Variants in FRAS1 observed in about 807,000 individuals in gnomAD.
FRAS1 encodes Fraser extracellular matrix complex subunit 1.
FRAS1 carries 290 observed loss-of-function variants against 435.2 expected under a neutral mutation model. That is an observed-to-expected ratio of 0.67 (90% CI 0.61 to 0.73). The LOEUF (loss-of-function observed/expected upper bound fraction) is 0.73. FRAS1 is among the 30% of genes least tolerant of loss of function. The probability of loss-of-function intolerance (pLI) is 0.00; values close to 1 mark genes in which losing one functional copy is unlikely to be tolerated. For synonymous variants in FRAS1, 1,800 were observed against 1,851.0 expected (o/e 0.97, Z 0.71); for missense variants, 4,860 against 5,001.5 (o/e 0.97, Z 0.85).
chr4:78,104,992 T>A (rs1742319522), intron 2 of FRAS1, among the ~76,000 whole-genome samples: 2 of 152,204 alleles, frequency 1.3e-5, no homozygotes, highest in Non-Finnish European at 2.9e-5. Flanking sequence ...TTTTTTCTGA[T>A]TTAGATTGAT....
chr4:78,218,306 C>G (rs1723890757), intron 2 of FRAS1, among the ~76,000 whole-genome samples: 1 of 151,470 alleles, frequency 6.6e-6, no homozygotes, highest in Non-Finnish European at 1.5e-5. Context: ...CTAGGCTACC[C>G]TAAAGCTCTC....
chr4:78,150,076 A>T (rs1363285889), intron 2 of FRAS1, among the ~76,000 whole-genome samples: 6 of 152,200 alleles, frequency 3.9e-5, no homozygotes, highest in Non-Finnish European at 8.8e-5. Flanking sequence ...AAGGTCAATA[A>T]TGCTGCTCGT....
intron 58 of FRAS1, among the ~76,000 whole-genome samples, chr4:78,485,669 A>G (rs1378985961): frequency 1.3e-5 from 2 of 152,200 alleles, no homozygotes; most frequent in African/African-American, 4.8e-5. Flanking sequence ...TATTATCCCT[A>G]ATCCTTGCAA....
At chr4:78,314,414 C>A (rs1489017070) in intron 15 of FRAS1, among the ~76,000 whole-genome samples, 2 of 152,136 alleles carry the variant, frequency 1.3e-5, no homozygotes, top group Non-Finnish European at 2.9e-5. Flanking sequence ...GCTCTCAAAT[C>A]TCTCACAACC....
intron 2 of FRAS1, among the ~76,000 whole-genome samples, chr4:78,183,510 T>C (rs58889966): frequency 0.41 from 62,373 of 151,932 alleles, 14,071 homozygotes; most frequent in African/African-American, 0.6. Context: ...GAAAATGTAT[T>C]GTATTGTTTC....
At position 78,452,474 on chromosome 4, in the gene FRAS1, C is replaced by G; in HGVS notation, c.6763+120C>G. 3 of 779,602 alleles carry G rather than the reference C, an allele frequency of 3.8e-6. No individual in the cohort carries two copies. In the South Asian group the frequency reaches 6.7e-5, roughly 17 times the overall value. 48.3% of individuals were successfully genotyped at this position (779,602 alleles called of 1,614,324 possible). The stretch of plus-strand genomic sequence containing the variant: ...GCCTTAATTCATATTTATTTTCTGC[C>G]TCACTAATTTTGACCATTATACACT... On this transcript the variant is annotated intron_variant, in intron 47 of 73. Coordinates refer to ENST00000512123, the MANE Select transcript of FRAS1 (RefSeq NM_025074.7).
chr4:78,310,069 T>C (rs1003669324), intron 15 of FRAS1, among the ~76,000 whole-genome samples: 9 of 152,172 alleles, frequency 5.9e-5, no homozygotes, highest in African/African-American at 2.2e-4. Flanking sequence ...ATTGCCAGTA[T>C]GAAAAATCTC....
At chr4:78,381,194 G>A (rs77023922) in intron 27 of FRAS1, among the ~76,000 whole-genome samples, 2,060 of 152,294 alleles carry the variant, frequency 0.014, 18 homozygotes, top group Middle Eastern at 0.024. Flanking sequence ...AGGACAAAAG[G>A]TCACTTCATA....
chr4:78,332,091 C>G (rs1729970519), intron 18 of FRAS1, among the ~76,000 whole-genome samples: 2 of 152,260 alleles, frequency 1.3e-5, no homozygotes, highest in African/African-American at 4.8e-5. Context: ...GGGATAATTA[C>G]AGCGGTCTGT....
At chr4:78,512,155 A>G (rs1288522897) in intron 64 of FRAS1, among the ~76,000 whole-genome samples, 1 of 152,214 alleles carries the variant, frequency 6.6e-6, no homozygotes, top group African/African-American at 2.4e-5. Flanking sequence ...CTGGGCCACC[A>G]TGATGGGAAA....
intron 36 of FRAS1, 141 bp from the exon 37 acceptor site, chr4:78,430,151 G>T (rs766685847): frequency 1.2e-5 from 11 of 941,474 alleles, no homozygotes; most frequent in Non-Finnish European, 1.8e-5. Flanking sequence ...TTTTGTGCCT[G>T]ATTGGAATGA....
intron 47 of FRAS1, among the ~76,000 whole-genome samples, chr4:78,456,166 CGG>C (rs1288851956): frequency 3.9e-4 from 6 of 15,226 alleles, no homozygotes; most frequent in Admixed American, 1.3e-3. Flanking sequence ...TTTTTTGAGA[CGG>C]AGTCTCACTC....
chr4:78,266,752 T>C (rs1033732850), intron 7 of FRAS1, 82 bp from the exon 8 acceptor site: 1 of 967,424 alleles, frequency 1.0e-6, no homozygotes, highest in African/African-American at 1.6e-5. Context: ...GTAATGAAAA[T>C]TGGGTGTCTT....
chr4:78,190,014 T>C (rs890996282), intron 2 of FRAS1, among the ~76,000 whole-genome samples: 3 of 152,250 alleles, frequency 2.0e-5, no homozygotes, highest in African/African-American at 7.2e-5. Flanking sequence ...CTGTTGTTTC[T>C]ACTGTTGGCC....
intron 2 of FRAS1, among the ~76,000 whole-genome samples, chr4:78,078,220 G>A (rs1260028194): frequency 6.6e-6 from 1 of 151,910 alleles, no homozygotes; most frequent in Non-Finnish European, 1.5e-5. Flanking sequence ...TGATATTTTG[G>A]TGTTGTAAGC....
intron 2 of FRAS1, among the ~76,000 whole-genome samples, chr4:78,140,765 A>G (rs1720144445): frequency 6.7e-6 from 1 of 148,688 alleles, no homozygotes; most frequent in South Asian, 2.1e-4. Context: ...GTGTATATGT[A>G]TATACGTGTG....
rs1553931228 is a variant in FRAS1, at chr4:78,218,098, TCACACA to T, written c.109-19381_109-19376del. Reference sequence around the variant, plus strand: ...CCTTCTCTCTCTCTCTCACTCTCTCTCACACACACACACACACACACACACACACAC... The same window carrying T: ...CCTTCTCTCTCTCTCTCACTCTCTCTCACACACACACACACACACACACAC... On this transcript the variant is annotated intron_variant, in intron 2 of 73. Coordinates refer to ENST00000512123, the MANE Select transcript of FRAS1 (RefSeq NM_025074.7). Among the ~76,000 whole-genome samples the T allele has an allele frequency of 1.0e-3, 40 of 39,738 alleles. 2 individuals are homozygous for T. In the South Asian group the frequency reaches 0.013, roughly 13 times the overall value. 26.1% of individuals were successfully genotyped at this position (39,738 alleles called of 152,430 possible).
chr4:78,308,946 CA>C (rs1728905038), intron 15 of FRAS1, among the ~76,000 whole-genome samples: 1 of 152,176 alleles, frequency 6.6e-6, no homozygotes. Context: ...CCTTGAATGG[CA>C]AAGAGGACTC....
intron 2 of FRAS1, among the ~76,000 whole-genome samples, chr4:78,087,495 G>C (rs1741248207): frequency 6.6e-6 from 1 of 152,178 alleles, no homozygotes. Flanking sequence ...GTCCCTGTTT[G>C]CAGATGACAT....
Sources: gnomAD v4.1 joint callset for allele counts (sites outside exome capture counted in the v4.1 genomes callset) on GRCh38, gnomAD v4.1.1 for gene constraint, MANE v1.5 for transcripts, NCBI Gene and HGNC (gene_info 2026-07-23, HGNC 2026-07-21) for gene names.